MYO6: variants seen among roughly 807,000 people sequenced by gnomAD.
MYO6 encodes myosin VI.
Under a neutral mutation model 178.7 loss-of-function variants are expected in MYO6, and 74 were observed. That is an observed-to-expected ratio of 0.41 (90% CI 0.34 to 0.50). The LOEUF (loss-of-function observed/expected upper bound fraction) is 0.50, where lower values mean the gene tolerates loss of function less well. Among genes scored for constraint, MYO6 ranks in the 20% least tolerant of loss-of-function variants. The pLI is 0.09. For missense variants in MYO6, 1,330 were observed against 1,547.4 expected (o/e 0.86, Z 2.36); for synonymous variants, 477 against 504.6 (o/e 0.95, Z 0.73).
intron 33 of MYO6, among the ~76,000 whole-genome samples, chr6:75,911,986 A>G (rs901691448): frequency 6.6e-5 from 10 of 152,048 alleles, no homozygotes; most frequent in Non-Finnish European, 1.3e-4. Flanking sequence ...TACAATTCTT[A>G]TTGTAGCAAA....
chr6:75,793,689 T>C (rs932761019), intron 1 of MYO6, among the ~76,000 whole-genome samples: 2 of 152,196 alleles, frequency 1.3e-5, no homozygotes, highest in African/African-American at 4.8e-5. Context: ...ATGAAAATAA[T>C]TAACAGTGAA....
intron 2 of MYO6, among the ~76,000 whole-genome samples, chr6:75,818,386 C>T (rs1354264783): frequency 6.6e-6 from 1 of 152,114 alleles, no homozygotes; most frequent in Non-Finnish European, 1.5e-5. Context: ...GGGAAGTTTT[C>T]CAGAGGAAAT....
intron 29 of MYO6, among the ~76,000 whole-genome samples, chr6:75,896,214 A>G (rs1779290516): frequency 6.6e-6 from 1 of 152,230 alleles, no homozygotes; most frequent in Non-Finnish European, 1.5e-5. Context: ...TCCCAATAAC[A>G]ATTTTTTAAT....
At chr6:75,866,813 G>A (rs1044331692) in intron 17 of MYO6, 119 bp from the exon 18 acceptor site, 47 of 1,177,318 alleles carry the variant, frequency 4.0e-5, no homozygotes, top group Middle Eastern at 4.1e-4. Context: ...TGGTGACGGC[G>A]TTGGACAGTG....
At chr6:75,770,636 C>T (rs933890708) in intron 1 of MYO6, among the ~76,000 whole-genome samples, 2 of 152,166 alleles carry the variant, frequency 1.3e-5, no homozygotes, top group African/African-American at 4.8e-5. Context: ...ACCACCATGC[C>T]TGGCTAATTT....
chr6:75,754,047 A>G (rs913878084), intron 1 of MYO6, among the ~76,000 whole-genome samples: 1 of 152,210 alleles, frequency 6.6e-6, no homozygotes, highest in Non-Finnish European at 1.5e-5. Flanking sequence ...GGTGCTAAAG[A>G]GAGAGGAAAT....
chr6:75,790,839 G>A (rs1279551209), intron 1 of MYO6, among the ~76,000 whole-genome samples: 1 of 152,112 alleles, frequency 6.6e-6, no homozygotes, highest in Non-Finnish European at 1.5e-5. Flanking sequence ...GTGATAATAA[G>A]TAAATTATAA....
chr6:75,835,966 AT>A lies in MYO6; in HGVS notation c.553+15del, dbSNP rs1554205706. 2 of 1,591,734 alleles carry A rather than the reference AT, an allele frequency of 1.3e-6. No individual in the cohort carries two copies. The highest frequency in any genetic ancestry group is 1.7e-6 in the Non-Finnish European group (2 of 1,159,844). ...GACAGAATTGTTGAAGGTATTGCTA[AT>A]TTTTCAGTTGTTACGCGTGTACTGA... is the stretch of plus-strand genomic sequence containing the variant. On this transcript the variant is annotated intron_variant, in intron 7 of 34. Coordinates refer to ENST00000369977, the MANE Select transcript of MYO6 (RefSeq NM_004999.4).
At chr6:75,904,149 C>T (rs557568582) in intron 30 of MYO6, among the ~76,000 whole-genome samples, 1 of 151,334 alleles carries the variant, frequency 6.6e-6, no homozygotes, top group South Asian at 2.1e-4. Context: ...TTCTCTCTGG[C>T]TGCCCTTAAC....
chr6:75,756,505 G>A (rs1777369389), intron 1 of MYO6, among the ~76,000 whole-genome samples: 1 of 151,992 alleles, frequency 6.6e-6, no homozygotes, highest in Admixed American at 6.6e-5. Context: ...GCTAATTTTT[G>A]TATTTGTAGT....
chr6:75,892,487 C>A, intron 27 of MYO6, 43 bp from the exon 28 acceptor site: 3 of 1,613,360 alleles, frequency 1.9e-6, no homozygotes, highest in Non-Finnish European at 2.5e-6. Flanking sequence ...ATCAAGTAAA[C>A]AAGTGAAGAA....
At chr6:75,864,886 A>G (rs1221936664) in intron 16 of MYO6, among the ~76,000 whole-genome samples, 1 of 152,204 alleles carries the variant, frequency 6.6e-6, no homozygotes, top group Non-Finnish European at 1.5e-5. Context: ...TTAGATGTGT[A>G]TGCTACAGAT....
In MYO6 at chr6:75,887,933, C is replaced by G. The variant is rs149540195; in HGVS notation, c.2658+939C>G. On this transcript the variant is annotated intron_variant, in intron 25 of 34. Transcript: ENST00000369977. ...GGCGGAGCTTGCAGTGAGCCGAGAT[C>G]GCGCCACTGCACTCCAGCCTGGGTG... Among the ~76,000 whole-genome samples, 468 of 148,480 alleles carry G rather than the reference C, an allele frequency of 3.2e-3. 2 individuals carry two copies. The highest frequency in any genetic ancestry group is 0.011 in the African/African-American group (427 of 40,224).
chr6:75,806,509 A>G (rs1770105980), intron 1 of MYO6, among the ~76,000 whole-genome samples: 1 of 152,194 alleles, frequency 6.6e-6, no homozygotes, highest in African/African-American at 2.4e-5. Flanking sequence ...GCGCCCCAAA[A>G]TCTGGCCATA....
chr6:75,845,505 C>A (rs1272443248), intron 10 of MYO6, among the ~76,000 whole-genome samples: 2 of 151,646 alleles, frequency 1.3e-5, no homozygotes, highest in African/African-American at 4.8e-5. Flanking sequence ...CCAGCCTGGG[C>A]AACATAGTGA....
intron 1 of MYO6, among the ~76,000 whole-genome samples, chr6:75,757,303 TACACAC>T (rs1171173664): frequency 1.3e-5 from 2 of 148,898 alleles, no homozygotes; most frequent in Non-Finnish European, 3.0e-5. Context: ...TGTGTATGTA[TACACAC>T]ACATATACAT....
chr6:75,775,247 A>T (rs953234502), intron 1 of MYO6, among the ~76,000 whole-genome samples: 37 of 152,188 alleles, frequency 2.4e-4, no homozygotes, highest in African/African-American at 8.9e-4. Context: ...TGTGGTTGCC[A>T]TGTTGCCACT....
intron 1 of MYO6, among the ~76,000 whole-genome samples, chr6:75,815,187 A>G (rs369666992): frequency 2.6e-5 from 4 of 152,172 alleles, no homozygotes; most frequent in East Asian, 1.9e-4. Context: ...AAGGAGTTGG[A>G]TTTGTGATCC....
chr6:75,862,648 T>C lies in MYO6; in HGVS notation c.1599T>C (p.Asn533=). The change falls in exon 16 of 35, where the codon AAT becomes AAC. Residue 533 remains asparagine (N), a synonymous_variant. Coordinates refer to ENST00000369977, the MANE Select transcript of MYO6 (RefSeq NM_004999.4). ...VGILDILDEE[N]RLPQPSDQHF... is the part of the protein sequence containing the mutation. Reference sequence around the variant, plus strand: ...TACTGGATATTTTGGATGAAGAAAATCGCCTTCCCCAGCCAAGTGATCAAC... The same window carrying C: ...TACTGGATATTTTGGATGAAGAAAACCGCCTTCCCCAGCCAAGTGATCAAC... 2 of 1,613,950 alleles carry C rather than the reference T, an allele frequency of 1.2e-6. No individual in the cohort carries two copies. The highest frequency in any genetic ancestry group is 2.2e-5 in the East Asian group (1 of 44,868).
Sources: allele counts gnomAD v4.1 joint callset (sites outside exome capture counted in the v4.1 genomes callset), GRCh38; gene constraint gnomAD v4.1.1; transcripts MANE v1.5; gene names NCBI Gene and HGNC (gene_info 2026-07-23, HGNC 2026-07-21).